The following KCNMA1 variants were observed in gnomAD, a reference collection of about 807,000 sequenced individuals.
The protein encoded by KCNMA1 is potassium calcium-activated channel subfamily M alpha 1.
Under a neutral mutation model 140.0 loss-of-function variants are expected in KCNMA1, and 29 were observed. The ratio of observed to expected loss-of-function variants is 0.21; its 90% CI spans 0.15 to 0.28. KCNMA1 has a LOEUF of 0.28. Ranked by LOEUF, KCNMA1 falls within the 10% of genes least tolerant of loss-of-function variation. KCNMA1 has a pLI of 1.00. For synonymous variants in KCNMA1, 612 were observed against 611.9 expected (o/e 1.00, Z 0.00); for missense variants, 880 against 1,602.2 (o/e 0.55, Z 7.70).
chr10:77,292,733 T>C (rs2073713805), intron 2 of KCNMA1, among the ~76,000 whole-genome samples: 1 of 152,230 alleles, frequency 6.6e-6, no homozygotes, highest in Non-Finnish European at 1.5e-5. Context: ...GTTCCCTACA[T>C]TAAATATACT....
At chr10:76,931,075 G>A (rs974241241) in intron 23 of KCNMA1, among the ~76,000 whole-genome samples, 1 of 152,140 alleles carries the variant, frequency 6.6e-6, no homozygotes, top group African/African-American at 2.4e-5. Flanking sequence ...AATGTAAAGT[G>A]TGGTGACTAT....
chr10:77,578,883 G>A (rs2075044833), intron 1 of KCNMA1, among the ~76,000 whole-genome samples: 1 of 152,208 alleles, frequency 6.6e-6, no homozygotes, highest in African/African-American at 2.4e-5. Context: ...CAGAGGCAGG[G>A]CCTGCATCTG....
intron 3 of KCNMA1, among the ~76,000 whole-genome samples, chr10:77,186,441 G>A (rs2098852353): frequency 6.6e-6 from 1 of 152,074 alleles, no homozygotes; most frequent in Non-Finnish European, 1.5e-5. Flanking sequence ...AGACAGCATG[G>A]AATTTGGTTA....
chr10:77,214,751 C>T (rs1284962308), intron 3 of KCNMA1, among the ~76,000 whole-genome samples: 1 of 152,172 alleles, frequency 6.6e-6, no homozygotes, highest in Non-Finnish European at 1.5e-5. Flanking sequence ...TGGCCACTCC[C>T]TCTGCCTGAA....
intron 1 of KCNMA1, among the ~76,000 whole-genome samples, chr10:77,439,409 C>A (rs1439595696): frequency 4.6e-5 from 7 of 152,182 alleles, no homozygotes; most frequent in Admixed American, 4.6e-4. Flanking sequence ...CTGAAACCCA[C>A]TCATCCCATT....
chr10:77,460,821 T>C (rs1422859596), intron 1 of KCNMA1, among the ~76,000 whole-genome samples: 8 of 152,014 alleles, frequency 5.3e-5, no homozygotes, highest in African/African-American at 1.7e-4. Context: ...AAATTACCTA[T>C]TGGGCTGGGC....
intron 13 of KCNMA1, among the ~76,000 whole-genome samples, chr10:77,078,765 A>G (rs2096476819): frequency 1.3e-5 from 2 of 152,242 alleles, no homozygotes; most frequent in African/African-American, 4.8e-5. Context: ...GGAGAGTGCT[A>G]ATCACACAGT....
intron 5 of KCNMA1, among the ~76,000 whole-genome samples, chr10:77,157,902 C>T (rs1298386563): frequency 2.0e-5 from 3 of 152,192 alleles, no homozygotes; most frequent in Admixed American, 2.0e-4. Context: ...CTGACAAGGT[C>T]CTCCTCCTCC....
intron 23 of KCNMA1, among the ~76,000 whole-genome samples, chr10:76,920,519 G>A (rs1590716345): frequency 6.6e-6 from 1 of 152,142 alleles, no homozygotes; most frequent in African/African-American, 2.4e-5. Flanking sequence ...AAGCCACCAC[G>A]CCATATTGCT....
rs2098835571 is a variant in KCNMA1 at position 77,184,841 on chromosome 10, A to C, written c.678T>G (p.Leu226=). 1 of 1,610,060 alleles carries C rather than the reference A, an allele frequency of 6.2e-7. No homozygotes were observed. ...QIDMAFNVFF[L]LYFGLRFIAA... The stretch of plus-strand genomic sequence containing the variant: ...AACTTACCCGCAAGCCGAAGTAGAG[A>C]AGGAAGAACACGTTGAAAGCCATGT... Residue 226 remains leucine (L), a synonymous_variant, in exon 4 of 28, where the codon CTT becomes CTG. Transcript: ENST00000286628.
chr10:77,465,248 C>T (rs1009629471), intron 1 of KCNMA1, among the ~76,000 whole-genome samples: 2 of 152,190 alleles, frequency 1.3e-5, no homozygotes, highest in Non-Finnish European at 2.9e-5. Context: ...TTGGGAAGGA[C>T]ACTTAAGGCT....
intron 5 of KCNMA1, among the ~76,000 whole-genome samples, chr10:77,148,650 A>C (rs1312232592): frequency 6.6e-6 from 1 of 152,208 alleles, no homozygotes; most frequent in African/African-American, 2.4e-5. Flanking sequence ...TTTTCTGTAA[A>C]GGGCCAGATC....
intron 5 of KCNMA1, among the ~76,000 whole-genome samples, chr10:77,154,212 C>A (rs569159403): frequency 6.6e-6 from 1 of 152,064 alleles, no homozygotes; most frequent in South Asian, 2.1e-4. Flanking sequence ...TGCCTTCCAC[C>A]GTGATTGTAA....
intron 19 of KCNMA1, among the ~76,000 whole-genome samples, chr10:77,001,194 C>A (rs12263556): frequency 2.0e-5 from 3 of 151,924 alleles, no homozygotes; most frequent in African/African-American, 7.3e-5. Context: ...CATGCTGTTA[C>A]GAGAAGCGTA....
At chr10:77,382,271 TGA>T (rs2095416586) in intron 2 of KCNMA1, among the ~76,000 whole-genome samples, 1 of 152,156 alleles carries the variant, frequency 6.6e-6, no homozygotes, top group South Asian at 2.1e-4. Flanking sequence ...TAATGAGAGG[TGA>T]TCCTTGTTCA....
chr10:77,110,421 G>C, intron 7 of KCNMA1, 78 bp from the exon 8 acceptor site: 1 of 1,317,032 alleles, frequency 7.6e-7, no homozygotes, highest in South Asian at 1.2e-5. Context: ...CGGAAGCTCG[G>C]CACTCTCGAA....
chr10:77,510,288 A>G (rs1355352662), intron 1 of KCNMA1, among the ~76,000 whole-genome samples: 1 of 152,070 alleles, frequency 6.6e-6, no homozygotes, highest in South Asian at 2.1e-4. Context: ...TGTTTGACAA[A>G]TAAGGATCCC....
intron 1 of KCNMA1, among the ~76,000 whole-genome samples, chr10:77,619,529 G>C (rs1262640757): frequency 1.3e-5 from 2 of 152,052 alleles, no homozygotes; most frequent in Admixed American, 1.3e-4. Flanking sequence ...GGATTACAGG[G>C]GCTAGCTCTG....
At chr10:77,208,220 C>A (rs1194663021) in intron 3 of KCNMA1, among the ~76,000 whole-genome samples, 1 of 152,212 alleles carries the variant, frequency 6.6e-6, no homozygotes, top group Non-Finnish European at 1.5e-5. Context: ...TGATTCCCTT[C>A]TCTTAGTTCC....
Sources: gnomAD v4.1 joint callset for allele counts (sites outside exome capture counted in the v4.1 genomes callset) on GRCh38, gnomAD v4.1.1 for gene constraint, MANE v1.5 for transcripts, NCBI Gene and HGNC (gene_info 2026-07-23, HGNC 2026-07-21) for gene names.